The following KPNA7 variants were observed in gnomAD, a reference collection of about 807,000 sequenced individuals.
The protein encoded by KPNA7 is karyopherin subunit alpha 7.
KPNA7 carries 54 observed loss-of-function variants against 53.7 expected under a neutral mutation model. That is an observed-to-expected ratio of 1.01 (90% CI 0.81 to 1.26). KPNA7 has a LOEUF of 1.26. Ranked by LOEUF, KPNA7 falls within the 50% of genes most tolerant of loss-of-function variation. The pLI is 0.00. For missense variants in KPNA7, 640 were observed against 644.5 expected (o/e 0.99, Z 0.07); for synonymous variants, 276 against 259.3 (o/e 1.06, Z -0.62).
chr7:99,192,722 A>T (rs1434213472), intron 6 of KPNA7, among the ~76,000 whole-genome samples: 3 of 152,144 alleles, frequency 2.0e-5, no homozygotes, highest in Non-Finnish European at 4.4e-5. Context: ...AGCCTTGTTT[A>T]TGAGGTTCTA....
chr7:99,183,611 C>T (rs965491724), intron 8 of KPNA7, among the ~76,000 whole-genome samples: 3 of 152,142 alleles, frequency 2.0e-5, no homozygotes, highest in Non-Finnish European at 2.9e-5. Context: ...CCTAGCTTGT[C>T]ATACCTGGTG....
the KPNA7 span, among the ~76,000 whole-genome samples, chr7:99,154,501 G>A: frequency 2.0e-5 from 3 of 150,300 alleles, no homozygotes; most frequent in Non-Finnish European, 4.4e-5. Flanking sequence ...GACTTTCACT[G>A]TATGTAGTTA....
intron 8 of KPNA7, 91 bp downstream of exon 8, chr7:99,184,838 C>T: frequency 9.3e-7 from 1 of 1,074,896 alleles, no homozygotes; most frequent in Non-Finnish European, 1.4e-6. Flanking sequence ...TCTCAATTTG[C>T]TTCTGCACCT....
chr7:99,176,354 G>A (rs1319120707), intron 10 of KPNA7, among the ~76,000 whole-genome samples: 1 of 149,730 alleles, frequency 6.7e-6, no homozygotes, highest in South Asian at 2.1e-4. Flanking sequence ...TGATATAAGT[G>A]CAAATCAAAC....
chr7:99,165,305 A>ATT, the KPNA7 span, among the ~76,000 whole-genome samples: 1 of 147,856 alleles, frequency 6.8e-6, no homozygotes, highest in African/African-American at 2.5e-5. Context: ...GCCTTTTTAA[A>ATT]AAAAAAAAAA....
the KPNA7 span, among the ~76,000 whole-genome samples, chr7:99,167,613 CTTTTTTTTTTTTTTTTTTTTTTT>C: frequency 7.3e-4 from 49 of 67,142 alleles, no homozygotes; most frequent in African/African-American, 3.1e-3. Flanking sequence ...TCACACCCAA[CTTTTTTTTTTTTTTTTTTTTTTT>C]TTTTTTTTTT....
At chr7:99,163,816 T>C in the KPNA7 span, among the ~76,000 whole-genome samples, 1 of 152,072 alleles carries the variant, frequency 6.6e-6, no homozygotes, top group Non-Finnish European at 1.5e-5. Flanking sequence ...ATGTCTCGAG[T>C]TACGGTATCA....
chr7:99,215,989 A>G (rs1332479944), intron 1 of KPNA7, among the ~76,000 whole-genome samples: 1 of 151,876 alleles, frequency 6.6e-6, no homozygotes, highest in Non-Finnish European at 1.5e-5. Context: ...AAAAAAAAAA[A>G]AAGAAAAGCA....
At chr7:99,183,346 T>C (rs1205701537) in intron 8 of KPNA7, among the ~76,000 whole-genome samples, 2 of 152,170 alleles carry the variant, frequency 1.3e-5, no homozygotes, top group African/African-American at 4.8e-5. Context: ...CTTCTATTCC[T>C]GGGTAGGATT....
the KPNA7 span, among the ~76,000 whole-genome samples, chr7:99,152,144 A>G: frequency 1.3e-5 from 2 of 152,258 alleles, no homozygotes; most frequent in East Asian, 3.9e-4. Context: ...AGATCACACC[A>G]CTGCACCCCA....
rs919167358 is a variant in KPNA7, at chr7:99,207,435, C to T, written c.32G>A (p.Arg11Gln). MPTLDAPEER[R>Q]RKFKYRGKDV... The stretch of plus-strand genomic sequence containing the variant: ...TTTGCCTCGGTACTTAAATTTTCTC[C>T]GCCTCTCTTCTGGAGCATCTAAGGT... Residue 11 changes from arginine (R) to glutamine (Q), a missense_variant, in exon 2 of 11, where the codon CGG (arginine) becomes CAG (glutamine). By Grantham distance (43) the Arg-to-Gln change is conservative. Coordinates refer to ENST00000327442, the MANE Select transcript of KPNA7 (RefSeq NM_001145715.3). 7.6e-5 allele frequency: 118 copies of T among 1,551,126 alleles called. No individual in the cohort carries two copies. Among genetic ancestry groups the T allele is most frequent in the Middle Eastern group, 5.0e-4 (3 of 6,014 alleles).
the KPNA7 span, among the ~76,000 whole-genome samples, chr7:99,167,292 T>C: frequency 0.012 from 1,788 of 152,252 alleles, 33 homozygotes; most frequent in African/African-American, 0.041. Context: ...CACAGCAGTC[T>C]CTAATCCCTA....
the KPNA7 span, among the ~76,000 whole-genome samples, chr7:99,160,026 T>TTG: frequency 0.43 from 49,076 of 114,520 alleles, 11,638 homozygotes; most frequent in East Asian, 0.62. Context: ...TGTTTTTTTT[T>TTG]TTTTTTTTTT....
chr7:99,167,156 T>C, the KPNA7 span, among the ~76,000 whole-genome samples: 141,740 of 152,308 alleles, frequency 0.93, 66,107 homozygotes, highest in East Asian at 1. Context: ...GAGCCTGCTG[T>C]TCACACACCT....
At chr7:99,215,659 C>G (rs1791199309) in intron 1 of KPNA7, among the ~76,000 whole-genome samples, 1 of 152,066 alleles carries the variant, frequency 6.6e-6, no homozygotes, top group Non-Finnish European at 1.5e-5. Context: ...TGGCAGCGAC[C>G]AGGAGAGCTG....
At chr7:99,176,577 A>G (rs951809178) in intron 10 of KPNA7, among the ~76,000 whole-genome samples, 68 of 152,256 alleles carry the variant, frequency 4.5e-4, no homozygotes, top group African/African-American at 1.5e-3. Context: ...CTCTAGGTAT[A>G]TACTCCAAAG....
the KPNA7 span, among the ~76,000 whole-genome samples, chr7:99,146,964 A>T: frequency 6.6e-6 from 1 of 152,174 alleles, no homozygotes; most frequent in Non-Finnish European, 1.5e-5. Flanking sequence ...TTCCTACCAT[A>T]ACATCAAAAA....
At chr7:99,209,021 G>A (rs145258643), upstream of KPNA7, among the ~76,000 whole-genome samples, 598 of 152,114 alleles carry the variant, frequency 3.9e-3, 7 homozygotes, top group South Asian at 0.041. Flanking sequence ...GCATGGTGGC[G>A]GACACCTATA....
chr7:99,210,074 T>C (rs186463836), upstream of KPNA7, among the ~76,000 whole-genome samples: 1 of 152,022 alleles, frequency 6.6e-6, no homozygotes, highest in East Asian at 1.9e-4. Context: ...TTAAAAAAAC[T>C]CTCCTGGCTA....
Sources: gnomAD v4.1 joint callset for allele counts (sites outside exome capture counted in the v4.1 genomes callset) on GRCh38, gnomAD v4.1.1 for gene constraint, MANE v1.5 for transcripts, NCBI Gene and HGNC (gene_info 2026-07-23, HGNC 2026-07-21) for gene names.